URGCP: variants seen among roughly 807,000 people sequenced by gnomAD.
URGCP encodes upregulator of cell proliferation, also known as up-regulator of cell proliferation.
Under a neutral mutation model 24.6 loss-of-function variants are expected in URGCP, and 13 were observed. The ratio of observed to expected loss-of-function variants is 0.53; its 90% CI spans 0.34 to 0.84. URGCP has a LOEUF of 0.84. URGCP is among the 40% of genes least tolerant of loss of function. The pLI, the probability that URGCP is intolerant of heterozygous loss-of-function variation, is 0.01. For missense variants in URGCP, 899 were observed against 1,194.3 expected (o/e 0.75, Z 3.64); for synonymous variants, 444 against 487.2 (o/e 0.91, Z 1.17).
intron 1 of URGCP, among the ~76,000 whole-genome samples, chr7:43,895,150 C>T (rs190183328): frequency 7.9e-5 from 12 of 152,126 alleles, no homozygotes; most frequent in Admixed American, 5.9e-4. Context: ...AATATTTGTA[C>T]ATTATTCATC....
intron 1 of URGCP, among the ~76,000 whole-genome samples, chr7:43,891,007 AG>A (rs1319445993): frequency 6.6e-6 from 1 of 152,196 alleles, no homozygotes; most frequent in African/African-American, 2.4e-5. Context: ...ACTGCCCAGC[AG>A]AATTATCTTA....
chr7:43,908,252 A>G (rs546279192), upstream of URGCP, among the ~76,000 whole-genome samples: 2 of 151,924 alleles, frequency 1.3e-5, no homozygotes, highest in Non-Finnish European at 2.9e-5. Flanking sequence ...TAATTCTTCT[A>G]TTTTTAGTAG....
chr7:43,905,521 C>T (rs1386207124), intron 1 of URGCP: 1 of 152,110 alleles, frequency 6.6e-6, no homozygotes, highest in Admixed American at 6.6e-5. Flanking sequence ...AGCCAAATCA[C>T]CCCAGGGCAT....
chr7:43,920,287 T>G (rs2095920754), intron 1 of URGCP, among the ~76,000 whole-genome samples: 1 of 151,892 alleles, frequency 6.6e-6, no homozygotes, highest in South Asian at 2.1e-4. Context: ...CTGAGGGGAG[T>G]GCAGTGACAC....
Position 43,876,573 on chromosome 7 carries a change from T to A in URGCP, c.*94A>T. On this transcript the variant is annotated 3_prime_UTR_variant, in exon 6 of 6. Transcript: ENST00000453200. Reference sequence around the variant, plus strand: ...CTCATGTCGATTGGGCACCAGCCATTCTCAGGCACCAGAGCACAGCCCCAC... The same window carrying A: ...CTCATGTCGATTGGGCACCAGCCATACTCAGGCACCAGAGCACAGCCCCAC... The A allele has an allele frequency of 7.3e-7, 1 of 1,377,000 alleles. No individual in the cohort carries two copies. The highest frequency in any genetic ancestry group is 9.9e-7 in the Non-Finnish European group (1 of 1,006,380). 85.3% of individuals were successfully genotyped at this position (1,377,000 alleles called of 1,614,324 possible).
At chr7:43,904,412 T>C (rs923976623) in intron 1 of URGCP, among the ~76,000 whole-genome samples, 1 of 152,198 alleles carries the variant, frequency 6.6e-6, no homozygotes, top group Non-Finnish European at 1.5e-5. Flanking sequence ...ATTTGGAGAC[T>C]CCTCTATGAC....
chr7:43,887,016 T>C (rs974758306), intron 3 of URGCP, among the ~76,000 whole-genome samples: 2 of 152,102 alleles, frequency 1.3e-5, no homozygotes, highest in Non-Finnish European at 2.9e-5. Context: ...ATTACATCCC[T>C]TTCACTCTCA....
intron 1 of URGCP, 86 bp downstream of exon 1, chr7:43,906,476 G>C (rs1585831986): frequency 9.0e-7 from 1 of 1,106,736 alleles, no homozygotes; most frequent in East Asian, 5.2e-5. Context: ...TCCCAGACCA[G>C]AGCCCGCAGG....
intron 1 of URGCP, among the ~76,000 whole-genome samples, chr7:43,916,664 A>C (rs2095915762): frequency 6.6e-6 from 1 of 151,750 alleles, no homozygotes; most frequent in Non-Finnish European, 1.5e-5. Flanking sequence ...GACAACAGAG[A>C]AGATAAGGCA....
chr7:43,913,101 T>C (rs1426570375), intron 1 of URGCP, among the ~76,000 whole-genome samples: 2 of 152,224 alleles, frequency 1.3e-5, no homozygotes, highest in South Asian at 4.1e-4. Context: ...TCCACCCACC[T>C]TGGCCTCCCT....
rs1342978459 is a variant in URGCP, at chr7:43,879,310, G to A, written c.203-50C>T. ...GTGCTCACCCTGTGTTTCTGAGCTA[G>A]GGGCCAGGGAAGAGCTGGTGAAGGA... On this transcript the variant is annotated intron_variant, in intron 5 of 5. Coordinates refer to ENST00000453200, the MANE Select transcript of URGCP (RefSeq NM_001077663.3). 6 of 1,543,192 alleles carry A rather than the reference G, an allele frequency of 3.9e-6. No homozygotes were observed. The African/African-American group carries it at 8.2e-5, about 21-fold the overall frequency.
intron 1 of URGCP, chr7:43,905,819 A>C (rs1241473600): frequency 1.3e-5 from 2 of 152,246 alleles, no homozygotes; most frequent in African/African-American, 4.8e-5. Flanking sequence ...AAAACAAAAA[A>C]CAAAAAAATA....
At position 43,919,731 on chromosome 7, in the gene URGCP, T is replaced by C. The variant is rs1049520691; in HGVS notation, c.-116+6401A>G. 7.3e-6 allele frequency: 10 copies of C among 1,376,382 alleles called. 1 individual carries two copies. The highest frequency in any genetic ancestry group is 5.0e-5 in the Admixed American group (3 of 59,502). 85.3% of individuals were successfully genotyped at this position (1,376,382 alleles called of 1,614,324 possible). The stretch of plus-strand genomic sequence containing the variant: ...CCTGCAGAGGATCCGGGAATGGAAG[T>C]TGGCCAACTTCATCCTGTTGGGCCC... On this transcript the variant is annotated intron_variant, in intron 1 of 5. Coordinates refer to the URGCP transcript ENST00000426198.
At chr7:43,879,361 C>T (rs1304554410) in intron 5 of URGCP, 101 bp from the exon 6 acceptor site, 23 of 1,376,600 alleles carry the variant, frequency 1.7e-5, no homozygotes, top group Middle Eastern at 2.6e-4. Context: ...GGGAGAGTGA[C>T]GACCCCCTTC....
At chr7:43,888,549 G>C (rs1023565656) in intron 1 of URGCP, 1 of 151,596 alleles carries the variant, frequency 6.6e-6, no homozygotes, top group South Asian at 2.1e-4. Flanking sequence ...ATCATAGAGT[G>C]AGCAAATGAG....
At chr7:43,910,358 G>A (rs1340274810), upstream of URGCP, among the ~76,000 whole-genome samples, 1 of 150,498 alleles carries the variant, frequency 6.6e-6, no homozygotes, top group African/African-American at 2.4e-5. Context: ...TGGGACTACA[G>A]GCATGTGCCA....
rs1363556446 is a variant in URGCP, at chr7:43,878,733, G to C, written c.730C>G (p.Pro244Ala). 6.2e-7 allele frequency: 1 copy of C among 1,614,126 alleles called. No homozygotes were observed. Among genetic ancestry groups the C allele is most frequent in the East Asian group, 2.2e-5 (1 of 44,872 alleles). ...TCCCGGAAGCTCCCCATGCCCCTTG[G>C]GGGCTGGGACCACCATGTCCTCACA... is the stretch of plus-strand genomic sequence containing the variant. Reference protein sequence around the residue: ...GIVRTWWSQPPRGMGSFREDS... With the variant: ...GIVRTWWSQPARGMGSFREDS... Residue 244 changes from proline (P) to alanine (A), a missense_variant, in exon 6 of 6, where the codon CCA becomes GCA. Pro to Ala is a conservative substitution (Grantham distance 27). Transcript: ENST00000453200. This position sits in a 1 kb window ranked among gnomAD's most constrained non-coding sequence, Gnocchi z 5.6.
chr7:43,881,770 C>A (rs1215475301), intron 4 of URGCP, 73 bp from the exon 5 acceptor site: 13 of 1,612,374 alleles, frequency 8.1e-6, no homozygotes, highest in Middle Eastern at 1.6e-4. Context: ...TTAATTGAAG[C>A]TAAACCTAGA....
At chr7:43,881,481 T>G (rs1024012466) in intron 5 of URGCP, among the ~76,000 whole-genome samples, 178 bp downstream of exon 5, 1 of 150,688 alleles carries the variant, frequency 6.6e-6, no homozygotes, top group Non-Finnish European at 1.5e-5. Flanking sequence ...AGGGTTTTTT[T>G]TTTTTTTTTT....
Sources: gnomAD v4.1 joint callset for allele counts (sites outside exome capture counted in the v4.1 genomes callset) on GRCh38, gnomAD v4.1.1 for gene constraint, Gnocchi (gnomAD v3.1) non-coding constraint, MANE v1.5 for transcripts, NCBI Gene and HGNC (gene_info 2026-07-23, HGNC 2026-07-21) for gene names.